The following GULP1 variants were observed in gnomAD, a reference collection of about 807,000 sequenced individuals.
GULP1 encodes the protein PTB domain-containing engulfment adapter protein 1.
In GULP1, 19 loss-of-function variants were observed where a neutral mutation model predicts 40.9. That is an observed-to-expected ratio of 0.46 (90% CI 0.32 to 0.68). The LOEUF (loss-of-function observed/expected upper bound fraction) is 0.68, where lower values mean the gene tolerates loss of function less well. GULP1 is among the 30% of genes least tolerant of loss of function. The probability of loss-of-function intolerance (pLI) is 0.03; values close to 1 mark genes in which losing one functional copy is unlikely to be tolerated. For missense variants in GULP1, 312 were observed against 362.2 expected, an observed-to-expected ratio of 0.86 and a Z score of 1.12; for synonymous variants, 119 against 117.6, an observed-to-expected ratio of 1.01 and a Z score of -0.08.
intron 2 of GULP1, among the ~76,000 whole-genome samples, chr2:188,401,411 T>C (rs2052276705): frequency 6.6e-6 from 1 of 152,116 alleles, no homozygotes. Context: ...TATGTATTTA[T>C]TTTTACTTAT....
At chr2:188,578,349 AAGACACTACTTACTGAAAAAAAAG>A (rs1462729435) in intron 9 of GULP1, among the ~76,000 whole-genome samples, 1 of 151,900 alleles carries the variant, frequency 6.6e-6, no homozygotes, top group Non-Finnish European at 1.5e-5. Context: ...TAAATGCACC[AAGACACTACTTACTGAAAAAAAAG>A]AGCTACAAAG....
chr2:188,466,763 T>G (rs1411964607), intron 2 of GULP1, among the ~76,000 whole-genome samples: 2 of 152,160 alleles, frequency 1.3e-5, no homozygotes, highest in Non-Finnish European at 2.9e-5. Flanking sequence ...GACTCATGTA[T>G]CCAACTACTA....
intron 1 of GULP1, among the ~76,000 whole-genome samples, chr2:188,337,373 C>G (rs1211534666): frequency 6.6e-6 from 1 of 151,104 alleles, no homozygotes; most frequent in African/African-American, 2.4e-5. Flanking sequence ...ATCCTGACCT[C>G]AAGTGATCCA....
chr2:188,576,704 T>C (rs1209650184), intron 9 of GULP1, among the ~76,000 whole-genome samples: 1 of 152,114 alleles, frequency 6.6e-6, no homozygotes, highest in East Asian at 1.9e-4. Context: ...CACACTGAAA[T>C]TGTGGAAATC....
chr2:188,375,746 C>G (rs1047687861), intron 1 of GULP1, among the ~76,000 whole-genome samples: 2 of 152,040 alleles, frequency 1.3e-5, no homozygotes, highest in Non-Finnish European at 2.9e-5. Flanking sequence ...AATAGAGAAT[C>G]ACAATTTCAT....
At chr2:188,491,106 T>C (rs1255963607) in intron 4 of GULP1, among the ~76,000 whole-genome samples, 2 of 151,932 alleles carry the variant, frequency 1.3e-5, no homozygotes, top group Non-Finnish European at 2.9e-5. Context: ...CCGAAATAAT[T>C]TTAAAAAGCT....
intron 4 of GULP1, among the ~76,000 whole-genome samples, chr2:188,497,929 G>A (rs1005457649): frequency 6.6e-6 from 1 of 151,906 alleles, no homozygotes; most frequent in African/African-American, 2.4e-5. Context: ...CAGCATATGG[G>A]GGAGGAATTG....
chr2:188,337,564 C>T (rs748466488), intron 1 of GULP1, among the ~76,000 whole-genome samples: 2 of 151,408 alleles, frequency 1.3e-5, no homozygotes, highest in South Asian at 2.1e-4. Context: ...GCAATAAATC[C>T]GGTGATGATA....
At chr2:188,358,615 A>G (rs1179359047) in intron 1 of GULP1, among the ~76,000 whole-genome samples, 5 of 152,172 alleles carry the variant, frequency 3.3e-5, no homozygotes, top group African/African-American at 1.2e-4. Context: ...CACCCCATAA[A>G]TATGTACAAT....
intron 2 of GULP1, among the ~76,000 whole-genome samples, chr2:188,456,446 G>A (rs1401236973): frequency 6.6e-6 from 1 of 152,200 alleles, no homozygotes; most frequent in African/African-American, 2.4e-5. Flanking sequence ...AGCTTGGACT[G>A]TGGCTTCAGA....
At chr2:188,378,056 T>C (rs577998562) in intron 1 of GULP1, among the ~76,000 whole-genome samples, 1 of 152,248 alleles carries the variant, frequency 6.6e-6, no homozygotes. Flanking sequence ...AATATATACA[T>C]AGAATATATC....
intron 1 of GULP1, among the ~76,000 whole-genome samples, chr2:188,337,537 C>CA (rs1406549243): frequency 1.3e-5 from 2 of 150,878 alleles, no homozygotes; most frequent in African/African-American, 2.4e-5. Context: ...AAATTAGTGA[C>CA]AAAAAACAAG....
chr2:188,498,257 A>G (rs2063093761), intron 4 of GULP1, among the ~76,000 whole-genome samples: 1 of 151,918 alleles, frequency 6.6e-6, no homozygotes, highest in East Asian at 1.9e-4. Flanking sequence ...AAATAGATAA[A>G]GAATTAACAC....
chr2:188,312,337 G>A (rs1406082247), intron 1 of GULP1, among the ~76,000 whole-genome samples: 2 of 152,032 alleles, frequency 1.3e-5, no homozygotes, highest in Non-Finnish European at 2.9e-5. Flanking sequence ...AACCTGGTGT[G>A]TGTTGTTCCC....
At chr2:188,478,090 C>T (rs1286435202) in intron 3 of GULP1, among the ~76,000 whole-genome samples, 2 of 152,022 alleles carry the variant, frequency 1.3e-5, no homozygotes, top group African/African-American at 4.8e-5. Context: ...ATTATGGTAA[C>T]ATAAATTCAT....
At chr2:188,505,657 C>G (rs2063832592) in intron 4 of GULP1, among the ~76,000 whole-genome samples, 1 of 151,734 alleles carries the variant, frequency 6.6e-6, no homozygotes, top group African/African-American at 2.4e-5. Flanking sequence ...ATGTGCCATT[C>G]TGGGCTAGTA....
At chr2:188,593,131 A>G (rs1576349697) in intron 11 of GULP1, 1 of 152,078 alleles carries the variant, frequency 6.6e-6, no homozygotes, top group Non-Finnish European at 1.5e-5. Flanking sequence ...TTGTAGGCCA[A>G]TGTGTATAGA....
intron 2 of GULP1, among the ~76,000 whole-genome samples, chr2:188,462,863 C>T (rs1342195899): frequency 6.6e-6 from 1 of 152,046 alleles, no homozygotes; most frequent in East Asian, 1.9e-4. Flanking sequence ...AACTTAACAT[C>T]ATTTTCATAA....
chr2:188,551,239 TTACTC>T, intron 7 of GULP1, among the ~76,000 whole-genome samples: 1 of 151,656 alleles, frequency 6.6e-6, no homozygotes, highest in East Asian at 1.9e-4. Context: ...TATAGTCACC[TTACTC>T]TACTATCAAA....
Sources: gnomAD v4.1 joint callset for allele counts (sites outside exome capture counted in the v4.1 genomes callset) on GRCh38, gnomAD v4.1.1 for gene constraint, MANE v1.5 for transcripts, NCBI Gene and HGNC (gene_info 2026-07-23, HGNC 2026-07-21) for gene names.